Variants in RUNX1 observed in about 807,000 individuals in gnomAD.
RUNX1 encodes the protein runt-related transcription factor 1.
A neutral mutation model predicts 42.8 loss-of-function variants in RUNX1; 19 were observed. The observed-to-expected ratio is 0.44, with a 90% confidence interval of 0.31 to 0.65. The LOEUF (loss-of-function observed/expected upper bound fraction) is 0.65, where lower values mean the gene tolerates loss of function less well. Ranked by LOEUF, RUNX1 falls within the 30% of genes least tolerant of loss-of-function variation. The pLI, the probability that RUNX1 is intolerant of heterozygous loss-of-function variation, is 0.07. For synonymous variants in RUNX1, 271 were observed against 289.4 expected, an observed-to-expected ratio of 0.94 and a Z score of 0.64; for missense variants, 528 against 672.0, an observed-to-expected ratio of 0.79 and a Z score of 2.37.
intron 5 of RUNX1, among the ~76,000 whole-genome samples, chr21:34,878,806 ATTTT>A (rs538923429): frequency 1.3e-5 from 2 of 152,062 alleles, no homozygotes; most frequent in East Asian, 3.9e-4. Flanking sequence ...TCAAAATCTC[ATTTT>A]TTTATTATCA....
chr21:34,834,287 C>T (rs1037436697), intron 7 of RUNX1, 123 bp downstream of exon 7: 3 of 1,022,822 alleles, frequency 2.9e-6, no homozygotes, highest in Non-Finnish European at 4.6e-6. Context: ...TGGTTCGAGG[C>T]CTTTCTCTGA....
At chr21:34,874,123 T>TTCTCTC (rs3831803) in intron 5 of RUNX1, among the ~76,000 whole-genome samples, 3 of 144,966 alleles carry the variant, frequency 2.1e-5, no homozygotes, top group African/African-American at 7.6e-5. Flanking sequence ...GATATTCTCA[T>TTCTCTC]TCTCTCTCTC....
intron 6 of RUNX1, among the ~76,000 whole-genome samples, chr21:34,851,213 A>G (rs2057413465): frequency 1.3e-5 from 2 of 152,234 alleles, no homozygotes; most frequent in South Asian, 4.1e-4. Flanking sequence ...CTTTACAGCA[A>G]AAAAACGACG....
chr21:34,906,189 A>C (rs1392784551), intron 2 of RUNX1, among the ~76,000 whole-genome samples: 2 of 152,244 alleles, frequency 1.3e-5, no homozygotes, highest in Non-Finnish European at 2.9e-5. Flanking sequence ...TTATCATACC[A>C]GGAAGAGACT....
chr21:34,955,124 G>T (rs973778869), intron 2 of RUNX1, among the ~76,000 whole-genome samples: 1 of 152,082 alleles, frequency 6.6e-6, no homozygotes, highest in Non-Finnish European at 1.5e-5. Flanking sequence ...AAGTATGGTT[G>T]CACAGAAAAC....
chr21:34,912,074 G>C (rs1382990673), intron 2 of RUNX1, among the ~76,000 whole-genome samples: 1 of 151,582 alleles, frequency 6.6e-6, no homozygotes, highest in African/African-American at 2.4e-5. Flanking sequence ...TGGAGTGAAG[G>C]ATAAGTTTTG....
chr21:34,796,910 C>T (rs2056536594), intron 8 of RUNX1, among the ~76,000 whole-genome samples: 1 of 152,188 alleles, frequency 6.6e-6, no homozygotes, highest in Non-Finnish European at 1.5e-5. Context: ...TCCAAGTCCC[C>T]AGCGCAGAAG....
intron 5 of RUNX1, among the ~76,000 whole-genome samples, chr21:34,860,470 C>T (rs544135917): frequency 1.3e-5 from 2 of 152,094 alleles, no homozygotes; most frequent in South Asian, 4.2e-4. Context: ...AATGATTTAC[C>T]GTGAGTAACC....
At chr21:34,956,334 A>G (rs543016348) in intron 2 of RUNX1, among the ~76,000 whole-genome samples, 2 of 152,182 alleles carry the variant, frequency 1.3e-5, no homozygotes, top group Non-Finnish European at 2.9e-5. Context: ...CTGAAAATTC[A>G]CTCAAAAAAG....
At chr21:35,009,553 C>G (rs2059110555) in intron 2 of RUNX1, among the ~76,000 whole-genome samples, 1 of 152,178 alleles carries the variant, frequency 6.6e-6, no homozygotes, top group African/African-American at 2.4e-5. Context: ...GCATCTCAGC[C>G]ACCTAAGCAT....
chr21:34,873,118 T>A (rs573438163), intron 5 of RUNX1, among the ~76,000 whole-genome samples: 8 of 152,246 alleles, frequency 5.3e-5, no homozygotes, highest in African/African-American at 1.4e-4. Context: ...ATACTGACTA[T>A]CCTCTATACA....
chr21:34,969,952 G>T (rs1333925869), intron 2 of RUNX1, among the ~76,000 whole-genome samples: 1 of 152,202 alleles, frequency 6.6e-6, no homozygotes. Flanking sequence ...CTGTTCTGGG[G>T]ATTTTGACAT....
chr21:35,041,521 TCAA>T lies in RUNX1; in HGVS notation c.58+7318_58+7320del, dbSNP rs2059359052. ...TGGGAGGGCAGTGCTGCATACAAAA[TCAA>T]CAATTCTCTAAATGAACACCGATCT... is the stretch of plus-strand genomic sequence containing the variant. On this transcript the variant is annotated intron_variant, in intron 2 of 8. Transcript: ENST00000675419. 2.6e-5 allele frequency among the ~76,000 whole-genome samples: 4 copies of T among 152,132 alleles called. No individual in the cohort carries two copies. The South Asian group carries it at 8.3e-4, about 32-fold the overall frequency.
intron 8 of RUNX1, among the ~76,000 whole-genome samples, chr21:34,794,267 C>T (rs1020102828): frequency 1.3e-5 from 2 of 151,986 alleles, no homozygotes; most frequent in African/African-American, 4.8e-5. Flanking sequence ...TTTTTATAGG[C>T]CTTCGACAGT....
rs181754888 is a variant in RUNX1, at chr21:34,866,822, C to T, written c.509-7244G>A. Among the ~76,000 whole-genome samples, 422 of 152,338 alleles carry T rather than the reference C, an allele frequency of 2.8e-3. 1 individual carries two copies. Among genetic ancestry groups the T allele is most frequent in the Non-Finnish European group, 4.2e-3 (287 of 68,040 alleles). On this transcript the variant is annotated intron_variant, in intron 5 of 8. Transcript: ENST00000675419. ...GCTTGATCCAATCGCACTCACATCA[C>T]ACATGCAAAATGCAGACTTGAGGCC...
chr21:34,981,282 A>G (rs970735308), intron 2 of RUNX1, among the ~76,000 whole-genome samples: 2 of 152,208 alleles, frequency 1.3e-5, no homozygotes, highest in African/African-American at 4.8e-5. Flanking sequence ...CCTGGGACAC[A>G]CACTTAATTC....
chr21:34,925,109 C>T (rs1477849192), intron 2 of RUNX1, among the ~76,000 whole-genome samples: 1 of 152,166 alleles, frequency 6.6e-6, no homozygotes, highest in Non-Finnish European at 1.5e-5. Context: ...CCAGTGAGTT[C>T]TATGCAGGTG....
chr21:34,807,914 G>A (rs2056702834), intron 7 of RUNX1, among the ~76,000 whole-genome samples: 1 of 152,216 alleles, frequency 6.6e-6, no homozygotes, highest in Admixed American at 6.5e-5. Context: ...GCTCTGAAAG[G>A]GACATTTCCC....
At chr21:34,837,665 TG>T (rs1404321252) in intron 6 of RUNX1, among the ~76,000 whole-genome samples, 1 of 152,204 alleles carries the variant, frequency 6.6e-6, no homozygotes, top group Non-Finnish European at 1.5e-5. Context: ...TCTTTCTCAC[TG>T]AGTACCGGGC....
Sources: gnomAD v4.1 joint callset for allele counts (sites outside exome capture counted in the v4.1 genomes callset) on GRCh38, gnomAD v4.1.1 for gene constraint, MANE v1.5 for transcripts, NCBI Gene and HGNC (gene_info 2026-07-23, HGNC 2026-07-21) for gene names.